Variants in SP140 observed in about 807,000 individuals in gnomAD.
SP140 encodes the protein SP140 nuclear body protein, also known as nuclear body protein SP140.
A neutral mutation model predicts 125.0 loss-of-function variants in SP140; 81 were observed. The observed-to-expected ratio is 0.65, with a 90% CI of 0.54 to 0.78. The LOEUF is 0.78. SP140 is among the 30% of genes least tolerant of loss of function. SP140 has a pLI of 0.00. For synonymous variants in SP140, 312 were observed against 354.0 expected (o/e 0.88, Z 1.33); for missense variants, 858 against 1,037.0 (o/e 0.83, Z 2.37).
At chr2:230,271,218 C>T (rs374737139) in intron 15 of SP140, among the ~76,000 whole-genome samples, 24 of 152,126 alleles carry the variant, frequency 1.6e-4, no homozygotes, top group East Asian at 1.5e-3. Context: ...AAGAGTAATA[C>T]AGATTTTGGT....
chr2:230,300,396 C>T (rs902932142), intron 22 of SP140, among the ~76,000 whole-genome samples: 1 of 152,138 alleles, frequency 6.6e-6, no homozygotes, highest in Non-Finnish European at 1.5e-5. Flanking sequence ...TCACAGAATC[C>T]ACTTCACTCC....
chr2:230,197,603 C>A, the SP140 span, among the ~76,000 whole-genome samples: 7 of 151,504 alleles, frequency 4.6e-5, no homozygotes, highest in Admixed American at 4.6e-4. Context: ...GTGTTTTAGA[C>A]ATGAAGTCCT....
At chr2:230,200,183 T>C (rs2043068255), upstream of SP140, among the ~76,000 whole-genome samples, 2 of 152,230 alleles carry the variant, frequency 1.3e-5, no homozygotes, top group South Asian at 4.1e-4. Context: ...AATTAGATAT[T>C]TGTTGTTTGA....
chr2:230,278,324 G>A (rs143618820), intron 15 of SP140, among the ~76,000 whole-genome samples: 86 of 152,118 alleles, frequency 5.7e-4, no homozygotes, highest in African/African-American at 1.7e-3. Flanking sequence ...TTTTAAATCA[G>A]ATTATGACAT....
intron 11 of SP140, 67 bp downstream of exon 11, chr2:230,253,484 G>A: frequency 8.3e-7 from 1 of 1,211,590 alleles, no homozygotes; most frequent in Non-Finnish European, 1.2e-6. Context: ...TGGGAAAAAA[G>A]CTTCCCTTTC....
chr2:230,221,589 C>G, upstream of SP140: 1 of 1,026,670 alleles, frequency 9.7e-7, no homozygotes. Context: ...ATGCTAACAG[C>G]TGAGGAGAGG....
intron 12 of SP140, among the ~76,000 whole-genome samples, chr2:230,258,464 A>G (rs542153443): frequency 1.2e-4 from 19 of 152,310 alleles, no homozygotes; most frequent in African/African-American, 4.6e-4. Flanking sequence ...AAGAATACTC[A>G]CCAGCCACCC....
At chr2:230,296,065 A>G (rs2057692009) in intron 21 of SP140, among the ~76,000 whole-genome samples, 1 of 129,552 alleles carries the variant, frequency 7.7e-6, no homozygotes. Flanking sequence ...ATAGTGAGAT[A>G]CCATCTCTAC....
At chr2:230,236,746 C>A (rs1040031009) in intron 1 of SP140, among the ~76,000 whole-genome samples, 1 of 152,182 alleles carries the variant, frequency 6.6e-6, no homozygotes, top group Admixed American at 6.5e-5. Context: ...TTAATTACCA[C>A]AGTATCATGT....
chr2:230,252,337 T>G (rs773574138), intron 10 of SP140, among the ~76,000 whole-genome samples: 1 of 151,946 alleles, frequency 6.6e-6, no homozygotes, highest in Admixed American at 6.6e-5. Context: ...TAGCATTCTA[T>G]GAAGGTGTAT....
chr2:230,255,312 G>A (rs2050990946), intron 11 of SP140, 140 bp from the exon 12 acceptor site: 1 of 881,128 alleles, frequency 1.1e-6, no homozygotes, highest in Non-Finnish European at 1.8e-6. Flanking sequence ...GAACCCACAG[G>A]GCAGACCAGG....
the SP140 span, among the ~76,000 whole-genome samples, chr2:230,190,083 T>G: frequency 6.6e-6 from 1 of 152,244 alleles, no homozygotes; most frequent in Non-Finnish European, 1.5e-5. Flanking sequence ...ATGGGATTGC[T>G]GTGTCAAATG....
At chr2:230,233,527 T>TA (rs1415002284) in intron 1 of SP140, among the ~76,000 whole-genome samples, 1 of 152,192 alleles carries the variant, frequency 6.6e-6, no homozygotes, top group Non-Finnish European at 1.5e-5. Context: ...TTTATATTTT[T>TA]AAAAATTATC....
chr2:230,186,761 G>C, the SP140 span, among the ~76,000 whole-genome samples: 3 of 152,008 alleles, frequency 2.0e-5, no homozygotes, highest in Non-Finnish European at 2.9e-5. Context: ...ACAGTATTTG[G>C]TTTTCCATTC....
At chr2:230,293,522 A>G (rs745641710) in intron 20 of SP140, among the ~76,000 whole-genome samples, 1 of 152,034 alleles carries the variant, frequency 6.6e-6, no homozygotes, top group Non-Finnish European at 1.5e-5. Context: ...TTTTTAGTAG[A>G]AATGGGGTTT....
intron 24 of SP140, 113 bp from the exon 25 acceptor site, chr2:230,311,041 C>T (rs1425019010): frequency 6.2e-5 from 97 of 1,566,728 alleles, no homozygotes; most frequent in Non-Finnish European, 7.9e-5. Flanking sequence ...TTCCAAGAGC[C>T]ACACATGTTA....
rs545312180 is a variant in SP140 at position 230,266,780 on chromosome 2, A to G, written c.1241-2752A>G. ...GGAAGCCAATCATATTCCTTAATACATTGCCCCTCCATCTTGAAGCCAGCA... is the reference window on the plus strand; with the variant it reads ...GGAAGCCAATCATATTCCTTAATACGTTGCCCCTCCATCTTGAAGCCAGCA... On this transcript the variant is annotated intron_variant, in intron 12 of 26. Coordinates refer to ENST00000392045, the MANE Select transcript of SP140 (RefSeq NM_007237.5). Among the ~76,000 whole-genome samples, 23 of 152,128 alleles carry G rather than the reference A, an allele frequency of 1.5e-4. No homozygotes were observed. In the South Asian group the frequency reaches 4.8e-3, roughly 32 times the overall value.
intron 12 of SP140, among the ~76,000 whole-genome samples, chr2:230,257,756 A>T (rs1251215564): frequency 1.3e-5 from 2 of 152,210 alleles, no homozygotes; most frequent in Non-Finnish European, 2.9e-5. Context: ...ACAGAGCAAG[A>T]TTCCATCTCA....
chr2:230,261,479 C>T (rs1040007393), intron 12 of SP140, among the ~76,000 whole-genome samples: 1 of 152,108 alleles, frequency 6.6e-6, no homozygotes, highest in African/African-American at 2.4e-5. Context: ...GCTAGGACTT[C>T]CAGTACTATG....
Sources: allele counts gnomAD v4.1 joint callset (sites outside exome capture counted in the v4.1 genomes callset), GRCh38; gene constraint gnomAD v4.1.1; transcripts MANE v1.5; gene names NCBI Gene and HGNC (gene_info 2026-07-23, HGNC 2026-07-21).